The following COL25A1 variants were observed in gnomAD, a reference collection of about 807,000 sequenced individuals.
COL25A1 encodes collagen type XXV alpha 1 chain.
In COL25A1, 103 loss-of-function variants were observed where a neutral mutation model predicts 128.4. The ratio of observed to expected loss-of-function variants is 0.80; its 90% CI spans 0.68 to 0.94. The LOEUF (loss-of-function observed/expected upper bound fraction) is 0.94, where lower values mean the gene tolerates loss of function less well. Ranked by LOEUF, COL25A1 falls within the 40% of genes least tolerant of loss-of-function variation. The probability of loss-of-function intolerance (pLI) is 0.00; values close to 1 mark genes in which losing one functional copy is unlikely to be tolerated. For synonymous variants in COL25A1, 279 were observed against 277.2 expected, an observed-to-expected ratio of 1.01 and a Z score of -0.06; for missense variants, 745 against 840.0, an observed-to-expected ratio of 0.89 and a Z score of 1.40.
intron 3 of COL25A1, among the ~76,000 whole-genome samples, chr4:109,200,318 T>A (rs1776450806): frequency 6.6e-6 from 1 of 152,214 alleles, no homozygotes; most frequent in South Asian, 2.1e-4. Context: ...TCTACAATCA[T>A]TGCTCCACTT....
chr4:109,200,267 G>C (rs1208205288), intron 3 of COL25A1, among the ~76,000 whole-genome samples: 6 of 152,154 alleles, frequency 3.9e-5, no homozygotes, highest in Non-Finnish European at 8.8e-5. Context: ...CCATGCCTAG[G>C]AGTTAACTTC....
rs577585895 is a variant in COL25A1 at position 108,854,444 on chromosome 4, G to A, written c.1321-1519C>T. ...AGTGAACAGGCAACCTACAGAAAGG[G>A]AGAAAATTTTTGCAATCTATCCATC... On this transcript the variant is annotated intron_variant, in intron 24 of 37. Transcript: ENST00000399132. 5.3e-5 allele frequency among the ~76,000 whole-genome samples: 8 copies of A among 152,080 alleles called. No homozygotes were observed. In the South Asian group the frequency reaches 1.5e-3, roughly 28 times the overall value.
intron 6 of COL25A1, among the ~76,000 whole-genome samples, chr4:109,007,512 G>C (rs2126040155): frequency 6.6e-6 from 1 of 151,986 alleles, no homozygotes; most frequent in Non-Finnish European, 1.5e-5. Context: ...GATCACGTGA[G>C]GGTATGTCTT....
chr4:109,157,055 T>C (rs1772104422), intron 3 of COL25A1, among the ~76,000 whole-genome samples: 2 of 152,206 alleles, frequency 1.3e-5, no homozygotes, highest in Admixed American at 1.3e-4. Flanking sequence ...GGCAATGTCA[T>C]ACACCTACAT....
At chr4:109,138,363 C>T (rs931307186) in intron 3 of COL25A1, among the ~76,000 whole-genome samples, 2 of 152,178 alleles carry the variant, frequency 1.3e-5, no homozygotes, top group African/African-American at 4.8e-5. Context: ...ATATGTGCCA[C>T]ATTTTCTTTA....
intron 32 of COL25A1, among the ~76,000 whole-genome samples, 195 bp downstream of exon 32, chr4:108,832,185 C>T (rs183967106): frequency 1.6e-3 from 250 of 152,170 alleles, no homozygotes; most frequent in Non-Finnish European, 2.7e-3. Context: ...TTAAGGCAGC[C>T]GTGTTCTATT....
Position 108,812,447 on chromosome 4 carries a change from TAA to T in COL25A1, c.*1478_*1479del, listed in dbSNP as rs768008704. 3.3e-5 allele frequency: 5 copies of T among 152,314 alleles called. No homozygotes were observed. The East Asian group carries it at 9.6e-4, about 29-fold the overall frequency. 9.4% of individuals were successfully genotyped at this position (152,314 alleles called of 1,614,324 possible). A position where few individuals can be genotyped will look rare whatever the true frequency, so the allele number is the denominator to read the frequency against. On this transcript the variant is annotated 3_prime_UTR_variant, in exon 38 of 38. Coordinates refer to ENST00000399132, the MANE Select transcript of COL25A1 (RefSeq NM_198721.4). ...TCATGTAAAAAAAGTCAAAACTACT[TAA>T]AAATGCATAACTTTCATGCTTTACA...
rs145604850 is a variant in COL25A1 at position 109,261,982 on chromosome 4, C to A, written c.367+38601G>T. On this transcript the variant is annotated intron_variant, in intron 3 of 37. Coordinates refer to ENST00000399132, the MANE Select transcript of COL25A1 (RefSeq NM_198721.4). The stretch of plus-strand genomic sequence containing the variant: ...AAAGTGCTGGGATTACAGGCATGAG[C>A]CACCGCGCCCGGCTGATATACAATA... 3.5e-3 allele frequency among the ~76,000 whole-genome samples: 535 copies of A among 151,682 alleles called. 5 individuals are homozygous for A. Among genetic ancestry groups the A allele is most frequent in the African/African-American group, 0.012 (483 of 41,386 alleles).
At chr4:109,270,981 T>C (rs1306327758) in intron 3 of COL25A1, among the ~76,000 whole-genome samples, 2 of 152,116 alleles carry the variant, frequency 1.3e-5, no homozygotes, top group African/African-American at 4.8e-5. Flanking sequence ...GTTTTATGGA[T>C]CAGGAAACTG....
intron 3 of COL25A1, among the ~76,000 whole-genome samples, chr4:109,176,174 G>A (rs573927584): frequency 2.6e-4 from 40 of 152,232 alleles, no homozygotes; most frequent in African/African-American, 8.4e-4. Flanking sequence ...GGCAGATCAC[G>A]AGGTCAGGAG....
intron 3 of COL25A1, among the ~76,000 whole-genome samples, chr4:109,126,134 A>T (rs1240305750): frequency 6.6e-6 from 1 of 152,154 alleles, no homozygotes; most frequent in Non-Finnish European, 1.5e-5. Flanking sequence ...AAATGGAAAG[A>T]GGTTTTTTTT....
At chr4:109,184,854 A>C (rs1452988408) in intron 3 of COL25A1, among the ~76,000 whole-genome samples, 11 of 152,152 alleles carry the variant, frequency 7.2e-5, no homozygotes, top group Admixed American at 7.2e-4. Flanking sequence ...CCTTGTGAGG[A>C]AACTCATTCC....
chr4:108,913,315 G>A (rs1658286621), intron 13 of COL25A1, among the ~76,000 whole-genome samples: 1 of 119,336 alleles, frequency 8.4e-6, no homozygotes. Context: ...TGCCCAGGCT[G>A]GAGTGAAATG....
chr4:109,255,528 G>C (rs945628624), intron 3 of COL25A1, among the ~76,000 whole-genome samples: 1 of 152,120 alleles, frequency 6.6e-6, no homozygotes, highest in African/African-American at 2.4e-5. Flanking sequence ...AGACTACCTA[G>C]AGAATCCTTA....
intron 3 of COL25A1, among the ~76,000 whole-genome samples, chr4:109,168,896 A>G (rs1486154513): frequency 8.5e-5 from 13 of 152,280 alleles, no homozygotes; most frequent in Non-Finnish European, 8.8e-5. Context: ...GCCATTTTGC[A>G]TCCACACATC....
intron 3 of COL25A1, among the ~76,000 whole-genome samples, chr4:109,269,873 G>C (rs946985242): frequency 1.3e-5 from 2 of 152,148 alleles, no homozygotes; most frequent in Non-Finnish European, 2.9e-5. Context: ...TATCCACCAT[G>C]ATCAAGTGGG....
chr4:109,159,402 A>G (rs1177819668), intron 3 of COL25A1, among the ~76,000 whole-genome samples: 1 of 152,080 alleles, frequency 6.6e-6, no homozygotes, highest in Non-Finnish European at 1.5e-5. Context: ...TATATGGGCA[A>G]TTGTTACTTC....
intron 3 of COL25A1, among the ~76,000 whole-genome samples, chr4:109,129,548 G>A (rs181006694): frequency 1.6e-3 from 242 of 152,184 alleles, no homozygotes; most frequent in African/African-American, 5.7e-3. Context: ...AAAAATACTC[G>A]AAAGAGATAC....
At chr4:108,911,283 T>C (rs1032387678) in intron 13 of COL25A1, among the ~76,000 whole-genome samples, 1 of 152,172 alleles carries the variant, frequency 6.6e-6, no homozygotes, top group Non-Finnish European at 1.5e-5. Context: ...CATTGCAACA[T>C]GGTGATAGCT....
Sources: allele counts gnomAD v4.1 joint callset (sites outside exome capture counted in the v4.1 genomes callset), GRCh38; gene constraint gnomAD v4.1.1; transcripts MANE v1.5; gene names NCBI Gene and HGNC (gene_info 2026-07-23, HGNC 2026-07-21).